Variants in ABTB2 observed in about 807,000 individuals in gnomAD.
ABTB2 encodes ankyrin repeat and BTB/POZ domain-containing protein 2.
In ABTB2, 56 loss-of-function variants were observed where a neutral mutation model predicts 104.1. The observed-to-expected ratio is 0.54, with a 90% CI of 0.43 to 0.67. ABTB2 has a LOEUF of 0.67. ABTB2 is among the 30% of genes least tolerant of loss of function. The pLI is 0.00. For missense variants in ABTB2, 1,279 were observed against 1,407.7 expected (o/e 0.91, Z 1.46); for synonymous variants, 606 against 608.2 (o/e 1.00, Z 0.05).
intron 1 of ABTB2, among the ~76,000 whole-genome samples, chr11:34,307,825 C>A (rs1267473): frequency 0.2 from 30,899 of 151,996 alleles, 3,351 homozygotes; most frequent in Admixed American, 0.27. Context: ...CAGCCTCCCA[C>A]ATAGCTGGGA....
chr11:34,197,320 C>T lies in ABTB2; in HGVS notation c.1244+5G>A, dbSNP rs746284247. 1.7e-5 allele frequency: 27 copies of T among 1,613,858 alleles called. No individual in the cohort carries two copies. The highest frequency in any genetic ancestry group is 2.2e-5 in the Non-Finnish European group (26 of 1,179,922). On this transcript the variant is annotated splice_donor_5th_base_variant and intron_variant, in intron 3 of 16. Transcript: ENST00000435224. The stretch of plus-strand genomic sequence containing the variant: ...CCAGGTGCTCAGCCCAAGGAAGATC[C>T]CTACCGTTCATTGTTCAAGGTCATT...
At chr11:34,197,950 A>G (rs2133036788) in intron 2 of ABTB2, among the ~76,000 whole-genome samples, 1 of 152,302 alleles carries the variant, frequency 6.6e-6, no homozygotes, top group African/African-American at 2.4e-5. Context: ...TGTCTTGTAC[A>G]AAACCCAAAG....
At chr11:34,194,216 C>G (rs1254892816) in intron 3 of ABTB2, among the ~76,000 whole-genome samples, 2 of 152,182 alleles carry the variant, frequency 1.3e-5, no homozygotes, top group African/African-American at 4.8e-5. Context: ...GCTCCCTCTC[C>G]CATGTGTGCA....
At chr11:34,321,752 C>T (rs58323950) in intron 1 of ABTB2, among the ~76,000 whole-genome samples, 7,459 of 152,256 alleles carry the variant, frequency 0.049, 523 homozygotes, top group East Asian at 0.32. Flanking sequence ...ACATGATGTT[C>T]GCATATACCA....
intron 1 of ABTB2, among the ~76,000 whole-genome samples, chr11:34,270,073 T>C (rs1854295350): frequency 1.3e-5 from 2 of 152,310 alleles, no homozygotes; most frequent in South Asian, 2.1e-4. Context: ...CCAGCCCTTT[T>C]CTCATGGATG....
At position 34,294,322 on chromosome 11, in the gene ABTB2, C is replaced by T. The variant is rs1271156294; in HGVS notation, c.883+62379G>A. Among the ~76,000 whole-genome samples, 8 of 151,982 alleles carry T rather than the reference C, an allele frequency of 5.3e-5. 1 individual carries two copies. The highest frequency in any genetic ancestry group is 5.2e-4 in the Admixed American group (8 of 15,260). ...CTCCAGCTTGGGCAACAGAGCGAGA[C>T]GCTGTCAAAAAGAAAAGAGAGAGAT... On this transcript the variant is annotated intron_variant, in intron 1 of 16. Transcript: ENST00000435224.
At chr11:34,346,858 T>A (rs1487711288) in intron 1 of ABTB2, among the ~76,000 whole-genome samples, 2 of 152,192 alleles carry the variant, frequency 1.3e-5, no homozygotes, top group Admixed American at 6.5e-5. Context: ...TACACCCACT[T>A]GGTGTGTGAG....
In ABTB2 at chr11:34,157,910, T is replaced by C. The variant is rs573096008; in HGVS notation, c.2697+1386A>G. Among the ~76,000 whole-genome samples the C allele has an allele frequency of 4.6e-5, 7 of 152,356 alleles. No individual in the cohort carries two copies. In the East Asian group the frequency reaches 1.3e-3, roughly 29 times the overall value. ...GCAAACTTGGCTGTTTTGCACATCC[T>C]GGGTTTGAATTCTGTCTCCATCACT... On this transcript the variant is annotated intron_variant, in intron 14 of 16. Transcript: ENST00000435224.
chr11:34,163,263 GAA>G (rs1852749503), intron 9 of ABTB2, among the ~76,000 whole-genome samples: 1 of 152,200 alleles, frequency 6.6e-6, no homozygotes, highest in Non-Finnish European at 1.5e-5. Flanking sequence ...CTATGCACGT[GAA>G]AGTGTCTAAA....
chr11:34,307,757 G>A (rs1854795489), intron 1 of ABTB2, among the ~76,000 whole-genome samples: 1 of 151,650 alleles, frequency 6.6e-6, no homozygotes, highest in Non-Finnish European at 1.5e-5. Context: ...GGAGTGCAGT[G>A]GTGCGATCTC....
At chr11:34,286,860 C>T (rs778636704) in intron 1 of ABTB2, among the ~76,000 whole-genome samples, 71 of 152,318 alleles carry the variant, frequency 4.7e-4, no homozygotes, top group South Asian at 1.7e-3. Flanking sequence ...AGCTTATATA[C>T]TGCATGACTC....
intron 1 of ABTB2, among the ~76,000 whole-genome samples, chr11:34,344,796 C>G (rs1855310290): frequency 6.6e-6 from 1 of 152,216 alleles, no homozygotes; most frequent in African/African-American, 2.4e-5. Flanking sequence ...CTGTGCCCGG[C>G]CCAACCTATT....
chr11:34,322,123 C>T (rs931381865), intron 1 of ABTB2, among the ~76,000 whole-genome samples: 1 of 152,168 alleles, frequency 6.6e-6, no homozygotes, highest in Non-Finnish European at 1.5e-5. Flanking sequence ...ACATATCTGG[C>T]CAGAAAGGCA....
At chr11:34,196,397 C>G (rs1317909687) in intron 3 of ABTB2, among the ~76,000 whole-genome samples, 1 of 151,942 alleles carries the variant, frequency 6.6e-6, no homozygotes, top group Non-Finnish European at 1.5e-5. Flanking sequence ...ACTAAAAATA[C>G]AAAAAAATTA....
At chr11:34,160,447 A>C in intron 11 of ABTB2, 94 bp from the exon 12 acceptor site, 1 of 857,380 alleles carries the variant, frequency 1.2e-6, no homozygotes, top group Admixed American at 2.0e-5. Context: ...AGTCCAGGCC[A>C]GGAGTAGTGC....
At chr11:34,342,840 T>G (rs1405975411) in intron 1 of ABTB2, among the ~76,000 whole-genome samples, 1 of 152,226 alleles carries the variant, frequency 6.6e-6, no homozygotes, top group Non-Finnish European at 1.5e-5. Flanking sequence ...ACTTTGTTTC[T>G]TCATCTTAAA....
At chr11:34,335,974 C>T in intron 1 of ABTB2, 1 of 599,836 alleles carries the variant, frequency 1.7e-6, no homozygotes, top group East Asian at 2.8e-5. Flanking sequence ...GGAAAACAGT[C>T]TGGCTCTGTT....
At chr11:34,251,681 T>C (rs1330632964) in intron 1 of ABTB2, among the ~76,000 whole-genome samples, 3 of 151,964 alleles carry the variant, frequency 2.0e-5, no homozygotes, top group Non-Finnish European at 4.4e-5. Flanking sequence ...CCAGGTGCAA[T>C]GCAAAAAGGT....
intron 1 of ABTB2, among the ~76,000 whole-genome samples, chr11:34,240,907 T>C (rs1190505690): frequency 6.6e-6 from 1 of 152,180 alleles, no homozygotes; most frequent in East Asian, 1.9e-4. Context: ...CCCCCCTTTT[T>C]AGGTTATTTT....
Sources: gnomAD v4.1 joint callset for allele counts (sites outside exome capture counted in the v4.1 genomes callset) on GRCh38, gnomAD v4.1.1 for gene constraint, MANE v1.5 for transcripts, NCBI Gene and HGNC (gene_info 2026-07-23, HGNC 2026-07-21) for gene names.